The following TMEM132C variants were observed in gnomAD, a reference collection of about 807,000 sequenced individuals.
TMEM132C encodes the protein protein phosphatase 1, regulatory subunit 152.
In TMEM132C, 29 loss-of-function variants were observed where a neutral mutation model predicts 61.4. That is an observed-to-expected ratio of 0.47 (90% confidence interval 0.35 to 0.64). The LOEUF is 0.64. Ranked by LOEUF, TMEM132C falls within the 30% of genes least tolerant of loss-of-function variation. The pLI is 0.00. For missense variants in TMEM132C, 1,408 were observed against 1,476.9 expected (o/e 0.95, Z 0.76); for synonymous variants, 656 against 633.1 (o/e 1.04, Z -0.54).
chr12:128,705,876 G>A lies in TMEM132C; in HGVS notation c.2908G>A (p.Asp970Asn), dbSNP rs560254297. 1.0e-5 allele frequency: 16 copies of A among 1,551,490 alleles called. No individual in the cohort carries two copies. Among genetic ancestry groups the A allele is most frequent in the African/African-American group, 2.7e-5 (2 of 73,044 alleles). ...EGQASMTHSH[D>N]WVWLGNEAEL... ...TCAGGCCTCCATGACCCACTCTCAC[G>A]ACTGGGTGTGGCTTGGCAATGAGGC... Residue 970 changes from aspartate to asparagine, a missense_variant, in exon 9 of 9, where the codon GAC becomes AAC. Transcript: ENST00000435159.
At chr12:128,353,289 C>T (rs1375983517) in intron 1 of TMEM132C, among the ~76,000 whole-genome samples, 1 of 152,168 alleles carries the variant, frequency 6.6e-6, no homozygotes, top group East Asian at 1.9e-4. Flanking sequence ...CCTGCTTCTC[C>T]CTGTCTGGAG....
At position 128,705,280 on chromosome 12, in the gene TMEM132C, T is replaced by C. The variant is rs1019081107; in HGVS notation, c.2312T>C (p.Val771Ala). 7.1e-6 allele frequency: 11 copies of C among 1,551,308 alleles called. No homozygotes were observed. The highest frequency in any genetic ancestry group is 4.1e-5 in the African/African-American group (3 of 73,004). ...GAAGGCCAGGGCCCACTGATCCGAG[T>C]GGACATGACGATCGCCGAGGCCTGC... ...EGEGQGPLIRVDMTIAEACQK... is the reference protein window; with the variant it reads ...EGEGQGPLIRADMTIAEACQK... The change falls in exon 9 of 9, where the codon GTG (valine) becomes GCG (alanine). Residue 771 changes from valine (V) to alanine (A), a missense_variant. Val to Ala is a moderately conservative substitution (Grantham distance 64). Coordinates refer to ENST00000435159, the MANE Select transcript of TMEM132C (RefSeq NM_001136103.3).
chr12:128,646,924 GTGTTGGATGTGTGTTTACTGGAGTC>G (rs1954205858), intron 4 of TMEM132C, among the ~76,000 whole-genome samples: 1 of 150,702 alleles, frequency 6.6e-6, no homozygotes, highest in African/African-American at 2.4e-5. Context: ...GAGTCCATCA[GTGTTGGATGTGTGTTTACTGGAGTC>G]CATCGGCGTT....
chr12:128,697,099 T>C (rs1335536693), intron 7 of TMEM132C, 125 bp from the exon 8 acceptor site: 3 of 760,490 alleles, frequency 3.9e-6, no homozygotes, highest in Non-Finnish European at 6.0e-6. Context: ...GAAGTAGATA[T>C]GTAACTCCTT....
chr12:128,511,437 C>G (rs1360965873), intron 2 of TMEM132C, among the ~76,000 whole-genome samples: 1 of 152,200 alleles, frequency 6.6e-6, no homozygotes, highest in African/African-American at 2.4e-5. Flanking sequence ...GAGGGATTCA[C>G]AGAACTCACC....
intron 1 of TMEM132C, among the ~76,000 whole-genome samples, chr12:128,365,796 T>TGGGCCCCTTGAAAACTCCC (rs1270971206): frequency 2.0e-5 from 3 of 152,164 alleles, no homozygotes; most frequent in Admixed American, 2.0e-4. Flanking sequence ...TAAAAACTCC[T>TGGGCCCCTTGAAAACTCCC]GGGCCCCTTG....
intron 3 of TMEM132C, among the ~76,000 whole-genome samples, chr12:128,577,738 G>A (rs1024791646): frequency 6.6e-6 from 1 of 152,244 alleles, no homozygotes; most frequent in African/African-American, 2.4e-5. Context: ...CACAAAGAGA[G>A]CAGTGGCCTT....
intron 4 of TMEM132C, among the ~76,000 whole-genome samples, chr12:128,627,973 G>T (rs1042052592): frequency 2.0e-5 from 3 of 152,162 alleles, no homozygotes; most frequent in African/African-American, 7.2e-5. Flanking sequence ...AGGTGCAGGT[G>T]CAGGTTCAGG....
chr12:128,530,077 A>G (rs1000325853), intron 2 of TMEM132C, among the ~76,000 whole-genome samples: 18 of 138,252 alleles, frequency 1.3e-4, no homozygotes, highest in Non-Finnish European at 6.2e-5. Context: ...CTCCTAGGAC[A>G]TGGAGTAGGA....
intron 1 of TMEM132C, among the ~76,000 whole-genome samples, chr12:128,338,725 C>T (rs903709352): frequency 3.4e-5 from 5 of 145,174 alleles, no homozygotes; most frequent in African/African-American, 5.7e-5. Context: ...ACACTCAGAT[C>T]CTGGGCTCCT....
At chr12:128,492,418 A>G (rs964957496) in intron 2 of TMEM132C, among the ~76,000 whole-genome samples, 13 of 152,322 alleles carry the variant, frequency 8.5e-5, no homozygotes, top group Admixed American at 2.0e-4. Flanking sequence ...TCCCTGAGGA[A>G]TCGCCACACT....
intron 2 of TMEM132C, among the ~76,000 whole-genome samples, chr12:128,427,979 G>A (rs1290534293): frequency 1.3e-5 from 2 of 152,232 alleles, no homozygotes; most frequent in African/African-American, 4.8e-5. Context: ...CTTACCCAGT[G>A]CTGCCAGGAT....
At chr12:128,345,098 GT>G (rs1202247495) in intron 1 of TMEM132C, among the ~76,000 whole-genome samples, 1 of 151,642 alleles carries the variant, frequency 6.6e-6, no homozygotes, top group African/African-American at 2.4e-5. Context: ...AGTGTGTGTT[GT>G]TTTCCCCCCA....
chr12:128,353,234 G>A (rs545290982), intron 1 of TMEM132C, among the ~76,000 whole-genome samples: 37 of 152,238 alleles, frequency 2.4e-4, no homozygotes, highest in Admixed American at 5.2e-4. Context: ...TGCAACTCCC[G>A]AGGCTTCCTG....
chr12:128,506,171 G>C (rs1367519451), intron 2 of TMEM132C, among the ~76,000 whole-genome samples: 1 of 152,214 alleles, frequency 6.6e-6, no homozygotes, highest in African/African-American at 2.4e-5. Flanking sequence ...GCAGCTAGCA[G>C]ACACGTCTCT....
At chr12:128,697,495 G>A (rs1566018328) in intron 8 of TMEM132C, 80 bp downstream of exon 8, 2 of 1,365,800 alleles carry the variant, frequency 1.5e-6, no homozygotes, top group Non-Finnish European at 2.0e-6. Flanking sequence ...AGGGTGGAGT[G>A]AGAAATGGGG....
intron 1 of TMEM132C, among the ~76,000 whole-genome samples, chr12:128,371,140 G>A (rs1478245339): frequency 6.6e-6 from 1 of 152,164 alleles, no homozygotes; most frequent in African/African-American, 2.4e-5. Flanking sequence ...TTAAAGGGAA[G>A]GGGTTTCTGG....
intron 1 of TMEM132C, among the ~76,000 whole-genome samples, chr12:128,268,384 G>A (rs991963484): frequency 5.3e-5 from 8 of 152,230 alleles, no homozygotes; most frequent in Admixed American, 4.6e-4. Flanking sequence ...GCGGGGAGAG[G>A]CGGTCTCCAG....
chr12:128,647,159 C>G (rs1954210492), intron 4 of TMEM132C, among the ~76,000 whole-genome samples: 1 of 150,540 alleles, frequency 6.6e-6, no homozygotes, highest in Non-Finnish European at 1.5e-5. Flanking sequence ...TTACTGGAGT[C>G]CATCAGCGTT....
Sources: allele counts gnomAD v4.1 joint callset (sites outside exome capture counted in the v4.1 genomes callset), GRCh38; gene constraint gnomAD v4.1.1; transcripts MANE v1.5; gene names NCBI Gene and HGNC (gene_info 2026-07-23, HGNC 2026-07-21).